The following PDE4B variants were observed in gnomAD, a reference collection of about 807,000 sequenced individuals.
PDE4B encodes the protein 3',5'-cyclic-AMP phosphodiesterase 4B.
PDE4B carries 20 observed loss-of-function variants against 82.2 expected under a neutral mutation model. The observed-to-expected ratio is 0.24, with a 90% CI of 0.17 to 0.35. PDE4B has a LOEUF of 0.35. PDE4B is among the 10% of genes least tolerant of loss of function. The pLI is 1.00. For missense variants in PDE4B, 655 were observed against 907.2 expected (o/e 0.72, Z 3.57); for synonymous variants, 320 against 318.9 (o/e 1.00, Z -0.04).
At chr1:65,797,798 T>C (rs2101152966) in intron 1 of PDE4B, among the ~76,000 whole-genome samples, 1 of 152,210 alleles carries the variant, frequency 6.6e-6, no homozygotes, top group South Asian at 2.1e-4. Flanking sequence ...ACCTAGATCA[T>C]TTCCTACTAC....
chr1:66,062,674 G>T (rs944093281), intron 3 of PDE4B, among the ~76,000 whole-genome samples: 1 of 152,032 alleles, frequency 6.6e-6, no homozygotes, highest in African/African-American at 2.4e-5. Flanking sequence ...TCAGCCTTTG[G>T]TAGAAATTAG....
At chr1:66,181,102 A>G (rs1647054973) in intron 3 of PDE4B, among the ~76,000 whole-genome samples, 1 of 152,214 alleles carries the variant, frequency 6.6e-6, no homozygotes, top group South Asian at 2.1e-4. Context: ...AGTGACAGGA[A>G]TGATGAATCT....
In PDE4B at chr1:65,913,353, T is replaced by A. The variant is rs144957956; in HGVS notation, c.39T>A (p.Asp13Glu). 1 of 1,613,500 alleles carries A rather than the reference T, an allele frequency of 6.2e-7. No individual in the cohort carries two copies. Among genetic ancestry groups the A allele is most frequent in the African/African-American group, 1.3e-5 (1 of 74,876 alleles). The change falls in exon 2 of 17, where the codon GAT becomes GAA. Residue 13 changes from aspartate (D) to glutamate (E), a missense_variant. Coordinates refer to ENST00000341517, the MANE Select transcript of PDE4B (RefSeq NM_002600.4). ...GGAGTGTGATGACGGTGATGGCTGA[T>A]GATGTAAGTTTCAAAAGGTCCCAAT... ...KSRSVMTVMADDNVKDYFECS... is the reference protein window; with the variant it reads ...KSRSVMTVMAEDNVKDYFECS...
intron 7 of PDE4B, among the ~76,000 whole-genome samples, chr1:66,317,562 A>G (rs1659112666): frequency 6.6e-6 from 1 of 152,048 alleles, no homozygotes; most frequent in Admixed American, 6.5e-5. Flanking sequence ...GCCTCAAAGA[A>G]AAACTGTTTT....
chr1:65,960,668 T>C (rs1649500875), intron 3 of PDE4B, among the ~76,000 whole-genome samples: 1 of 152,214 alleles, frequency 6.6e-6, no homozygotes, highest in East Asian at 1.9e-4. Context: ...CATTCAAAAA[T>C]AATGACCATA....
At chr1:65,861,440 G>A (rs1646452880) in intron 1 of PDE4B, among the ~76,000 whole-genome samples, 1 of 152,116 alleles carries the variant, frequency 6.6e-6, no homozygotes, top group Non-Finnish European at 1.5e-5. Flanking sequence ...ATGCTGTTTT[G>A]GTTACTGTAG....
intron 8 of PDE4B, among the ~76,000 whole-genome samples, chr1:66,354,173 AC>A (rs1662046702): frequency 6.6e-6 from 1 of 152,182 alleles, no homozygotes; most frequent in Non-Finnish European, 1.5e-5. Flanking sequence ...CATGGTCCTA[AC>A]CTTTTTTAAA....
intron 3 of PDE4B, among the ~76,000 whole-genome samples, chr1:66,136,697 CAA>C (rs5774802): frequency 0.05 from 3,106 of 61,706 alleles, 19 homozygotes; most frequent in South Asian, 0.083. Flanking sequence ...GACTCCCTCT[CAA>C]AAAAAAAAAA....
At chr1:66,073,661 T>A (rs1259514183) in intron 3 of PDE4B, among the ~76,000 whole-genome samples, 1 of 152,108 alleles carries the variant, frequency 6.6e-6, no homozygotes, top group Non-Finnish European at 1.5e-5. Flanking sequence ...TGGCAACAAA[T>A]CCGATAGTAA....
At chr1:66,001,668 A>T (rs1044764604) in intron 3 of PDE4B, among the ~76,000 whole-genome samples, 9 of 152,128 alleles carry the variant, frequency 5.9e-5, no homozygotes, top group African/African-American at 2.2e-4. Flanking sequence ...TTGGGTAAAT[A>T]TCTTAGAGTG....
chr1:65,909,128 G>A (rs1373329658), intron 1 of PDE4B, among the ~76,000 whole-genome samples: 1 of 152,028 alleles, frequency 6.6e-6, no homozygotes, highest in Non-Finnish European at 1.5e-5. Flanking sequence ...AGTTATTGGA[G>A]AAAAATGAAG....
intron 4 of PDE4B, among the ~76,000 whole-genome samples, chr1:66,250,848 T>C (rs1653715122): frequency 6.6e-6 from 1 of 152,004 alleles, no homozygotes; most frequent in South Asian, 2.1e-4. Context: ...AAACTCCATG[T>C]TTTTTTTCAT....
intron 4 of PDE4B, among the ~76,000 whole-genome samples, chr1:66,255,525 G>A (rs1340107202): frequency 6.6e-6 from 1 of 152,172 alleles, no homozygotes; most frequent in Non-Finnish European, 1.5e-5. Flanking sequence ...CACCCAAATA[G>A]CCATCAAACA....
At chr1:65,937,635 G>A (rs547753313) in intron 3 of PDE4B, among the ~76,000 whole-genome samples, 13 of 152,124 alleles carry the variant, frequency 8.5e-5, no homozygotes, top group East Asian at 5.8e-4. Context: ...TTTGTGATTC[G>A]TGCTTCAAGT....
At chr1:66,175,735 T>C (rs1285842291) in intron 3 of PDE4B, among the ~76,000 whole-genome samples, 1 of 152,220 alleles carries the variant, frequency 6.6e-6, no homozygotes, top group East Asian at 1.9e-4. Context: ...ACATTACTTC[T>C]TCCTCTCTAT....
intron 3 of PDE4B, among the ~76,000 whole-genome samples, chr1:66,133,444 C>T (rs1645993244): frequency 6.6e-6 from 1 of 152,184 alleles, no homozygotes; most frequent in Non-Finnish European, 1.5e-5. Context: ...TAATTTCTGT[C>T]TCCGAGTCCT....
At chr1:65,867,676 C>T (rs749428485) in intron 1 of PDE4B, among the ~76,000 whole-genome samples, 7 of 152,194 alleles carry the variant, frequency 4.6e-5, no homozygotes, top group Non-Finnish European at 8.8e-5. Flanking sequence ...GCATGGGAAG[C>T]ACTAGACTAT....
intron 3 of PDE4B, among the ~76,000 whole-genome samples, chr1:66,068,313 G>A (rs1047912369): frequency 7.2e-5 from 11 of 151,846 alleles, no homozygotes; most frequent in Non-Finnish European, 1.2e-4. Flanking sequence ...CAAAGCAGGC[G>A]TTGAAAGAGA....
At chr1:65,873,807 T>TA (rs1646603614) in intron 1 of PDE4B, among the ~76,000 whole-genome samples, 1 of 152,212 alleles carries the variant, frequency 6.6e-6, no homozygotes, top group African/African-American at 2.4e-5. Flanking sequence ...TAGAGATTTT[T>TA]AAAACAATTC....
Sources: gnomAD v4.1 joint callset for allele counts (sites outside exome capture counted in the v4.1 genomes callset) on GRCh38, gnomAD v4.1.1 for gene constraint, MANE v1.5 for transcripts, NCBI Gene and HGNC (gene_info 2026-07-23, HGNC 2026-07-21) for gene names.